Variants in ENOX1 observed in about 807,000 individuals in gnomAD.
ENOX1 encodes ecto-NOX disulfide-thiol exchanger 1, also known as candidate growth-related and time keeping constitutive hydroquinone (NADH) oxidase.
In ENOX1, 42 loss-of-function variants were observed where a neutral mutation model predicts 82.5. That is an observed-to-expected ratio of 0.51 (90% CI 0.40 to 0.66). ENOX1 has a LOEUF of 0.66. Among genes scored for constraint, ENOX1 ranks in the 30% least tolerant of loss-of-function variants. The pLI, the probability that ENOX1 is intolerant of heterozygous loss-of-function variation, is 0.00. For synonymous variants in ENOX1, 271 were observed against 282.2 expected, an observed-to-expected ratio of 0.96 and a Z score of 0.40; for missense variants, 608 against 811.6, an observed-to-expected ratio of 0.75 and a Z score of 3.05.
chr13:43,540,244 T>C (rs2078649481), intron 2 of ENOX1, among the ~76,000 whole-genome samples: 2 of 151,952 alleles, frequency 1.3e-5, no homozygotes, highest in South Asian at 2.1e-4. Flanking sequence ...ACATAATTTG[T>C]TTTTTTCCCT....
intron 2 of ENOX1, among the ~76,000 whole-genome samples, chr13:43,507,897 T>C (rs964016985): frequency 6.6e-6 from 1 of 152,032 alleles, no homozygotes; most frequent in South Asian, 2.1e-4. Flanking sequence ...ACAACTTAGA[T>C]CAGTAGTTAT....
At chr13:43,656,769 T>C (rs2084453570) in intron 2 of ENOX1, among the ~76,000 whole-genome samples, 1 of 151,842 alleles carries the variant, frequency 6.6e-6, no homozygotes, top group Non-Finnish European at 1.5e-5. Flanking sequence ...GTGAAAGAAG[T>C]GTGTTCTCTG....
At chr13:43,708,665 A>G (rs2087481060) in intron 1 of ENOX1, among the ~76,000 whole-genome samples, 1 of 152,250 alleles carries the variant, frequency 6.6e-6, no homozygotes, top group Non-Finnish European at 1.5e-5. Flanking sequence ...AGAAAGTGTG[A>G]TCTTTTCAAC....
chr13:43,585,991 A>G (rs1333070029), intron 2 of ENOX1, among the ~76,000 whole-genome samples: 1 of 152,242 alleles, frequency 6.6e-6, no homozygotes, highest in African/African-American at 2.4e-5. Context: ...GGCTAATTAG[A>G]ATATGTATCA....
intron 2 of ENOX1, among the ~76,000 whole-genome samples, chr13:43,580,798 T>C (rs982852635): frequency 6.6e-6 from 1 of 152,250 alleles, no homozygotes; most frequent in African/African-American, 2.4e-5. Flanking sequence ...TCTCATTTTG[T>C]ACTGTATGTA....
intron 1 of ENOX1, among the ~76,000 whole-genome samples, chr13:43,687,717 G>A (rs543786669): frequency 1.4e-4 from 21 of 152,214 alleles, no homozygotes; most frequent in Admixed American, 6.6e-4. Flanking sequence ...CAGTACATCC[G>A]TGGCCCTTCC....
At chr13:43,363,448 TC>T (rs1309775924) in intron 5 of ENOX1, among the ~76,000 whole-genome samples, 20 of 152,238 alleles carry the variant, frequency 1.3e-4, no homozygotes, top group African/African-American at 4.8e-4. Context: ...TCAAGATGGG[TC>T]CTGCCGATCA....
At chr13:43,519,962 T>C (rs553104509) in intron 2 of ENOX1, among the ~76,000 whole-genome samples, 1 of 152,260 alleles carries the variant, frequency 6.6e-6, no homozygotes, top group South Asian at 2.1e-4. Flanking sequence ...ATCTCCCTCC[T>C]TGAATGCTTT....
At chr13:43,682,958 TA>T (rs1450235632) in intron 1 of ENOX1, among the ~76,000 whole-genome samples, 1 of 152,230 alleles carries the variant, frequency 6.6e-6, no homozygotes, top group African/African-American at 2.4e-5. Flanking sequence ...GCCATGCTTA[TA>T]AAATAAACTT....
At chr13:43,600,439 C>A (rs1327174271) in intron 2 of ENOX1, among the ~76,000 whole-genome samples, 2 of 152,168 alleles carry the variant, frequency 1.3e-5, no homozygotes, top group African/African-American at 4.8e-5. Context: ...TGAGGAGAGA[C>A]TCCTCTGCTG....
intron 3 of ENOX1, among the ~76,000 whole-genome samples, chr13:43,446,586 C>T (rs1018807416): frequency 6.6e-6 from 1 of 152,248 alleles, no homozygotes; most frequent in African/African-American, 2.4e-5. Flanking sequence ...CTGGCTACCT[C>T]TCTATGCCCT....
intron 2 of ENOX1, among the ~76,000 whole-genome samples, chr13:43,536,592 CTTCT>C (rs2078470930): frequency 2.6e-5 from 4 of 152,084 alleles, no homozygotes; most frequent in African/African-American, 7.2e-5. Flanking sequence ...TCTATAAATG[CTTCT>C]TTAAGAAAAA....
At chr13:43,434,106 G>C (rs930582070) in intron 3 of ENOX1, among the ~76,000 whole-genome samples, 1 of 152,212 alleles carries the variant, frequency 6.6e-6, no homozygotes. Flanking sequence ...TCTTCATGCA[G>C]TTCAGATTCA....
chr13:43,681,407 C>A (rs1482300151), intron 1 of ENOX1, among the ~76,000 whole-genome samples: 1 of 152,018 alleles, frequency 6.6e-6, no homozygotes, highest in Non-Finnish European at 1.5e-5. Context: ...CTTAGGACAA[C>A]AAAATGTATA....
chr13:43,615,788 T>C (rs978282235), intron 2 of ENOX1, among the ~76,000 whole-genome samples: 4 of 151,818 alleles, frequency 2.6e-5, no homozygotes, highest in African/African-American at 9.7e-5. Flanking sequence ...TTCCCCTCCC[T>C]GTGTCCATGT....
intron 3 of ENOX1, among the ~76,000 whole-genome samples, chr13:43,457,624 T>C (rs987009509): frequency 6.6e-6 from 1 of 152,202 alleles, no homozygotes; most frequent in Non-Finnish European, 1.5e-5. Flanking sequence ...AAAAGCTATG[T>C]ATGTTCACTA....
chr13:43,438,098 T>C (rs2056141188), intron 3 of ENOX1, among the ~76,000 whole-genome samples: 1 of 152,074 alleles, frequency 6.6e-6, no homozygotes. Context: ...AAAGGGAACA[T>C]GGTGAAAAAG....
intron 3 of ENOX1, among the ~76,000 whole-genome samples, chr13:43,437,031 G>A (rs1412698695): frequency 3.8e-4 from 58 of 152,146 alleles, no homozygotes; most frequent in Admixed American, 3.8e-3. Flanking sequence ...CTAGAAGAAT[G>A]CTGAAGAGGC....
At position 43,563,515 on chromosome 13, in the gene ENOX1, A is replaced by G. The variant is rs116937677; in HGVS notation, c.-218-79363T>C. On this transcript the variant is annotated intron_variant, in intron 2 of 16. Coordinates refer to ENST00000690772, the MANE Select transcript of ENOX1 (RefSeq NM_001347969.2). ...CCTAACACAAAATTAGTAGAAGAGA[A>G]TAAATAATAGAGACCAGAGCAGAAG... Among the ~76,000 whole-genome samples the G allele has an allele frequency of 2.6e-5, 4 of 152,270 alleles. No individual in the cohort carries two copies. In the East Asian group the frequency reaches 7.7e-4, roughly 29 times the overall value.
Sources: allele counts gnomAD v4.1 joint callset (sites outside exome capture counted in the v4.1 genomes callset), GRCh38; gene constraint gnomAD v4.1.1; transcripts MANE v1.5; gene names NCBI Gene and HGNC (gene_info 2026-07-23, HGNC 2026-07-21).